The following PHACTR1 variants were observed in gnomAD, a reference collection of about 807,000 sequenced individuals.
PHACTR1 encodes RPEL repeat containing 1.
A neutral mutation model predicts 69.2 loss-of-function variants in PHACTR1; 16 were observed. The observed-to-expected ratio is 0.23, with a 90% confidence interval of 0.16 to 0.35. The LOEUF is 0.35. Ranked by LOEUF, PHACTR1 falls within the 10% of genes least tolerant of loss-of-function variation. The probability of loss-of-function intolerance (pLI) is 1.00; values close to 1 mark genes in which losing one functional copy is unlikely to be tolerated. For missense variants in PHACTR1, 510 were observed against 734.7 expected, an observed-to-expected ratio of 0.69 and a Z score of 3.54; for synonymous variants, 312 against 284.5, an observed-to-expected ratio of 1.10 and a Z score of -0.97.
At chr6:12,841,293 C>G (rs1031246416) in intron 4 of PHACTR1, among the ~76,000 whole-genome samples, 3 of 152,192 alleles carry the variant, frequency 2.0e-5, no homozygotes, top group African/African-American at 7.2e-5. Context: ...AATGTGTTGT[C>G]TCTTCCTTTT....
intron 6 of PHACTR1, among the ~76,000 whole-genome samples, chr6:13,176,516 T>C (rs1239377500): frequency 6.6e-6 from 1 of 152,208 alleles, no homozygotes; most frequent in Non-Finnish European, 1.5e-5. Flanking sequence ...GTTCTTTTAT[T>C]AGGTCTGTGT....
chr6:13,226,249 A>G (rs1249873576), intron 8 of PHACTR1, among the ~76,000 whole-genome samples: 1 of 152,232 alleles, frequency 6.6e-6, no homozygotes, highest in Non-Finnish European at 1.5e-5. Flanking sequence ...TGAAAAATAC[A>G]AAGAGAAAAA....
At chr6:13,131,499 C>T (rs1820463366) in intron 5 of PHACTR1, among the ~76,000 whole-genome samples, 1 of 152,082 alleles carries the variant, frequency 6.6e-6, no homozygotes, top group African/African-American at 2.4e-5. Flanking sequence ...GTACAGCATA[C>T]ACTGCTCGGA....
At chr6:12,870,653 C>T (rs537921073) in intron 4 of PHACTR1, among the ~76,000 whole-genome samples, 29 of 152,310 alleles carry the variant, frequency 1.9e-4, no homozygotes, top group African/African-American at 6.0e-4. Flanking sequence ...CACACAACCA[C>T]GTGCATTTTT....
chr6:13,171,966 C>A (rs1277735190), intron 6 of PHACTR1, among the ~76,000 whole-genome samples: 1 of 152,146 alleles, frequency 6.6e-6, no homozygotes, highest in Non-Finnish European at 1.5e-5. Flanking sequence ...GGGTTTTCAC[C>A]GTGTTGGCCA....
At chr6:13,256,165 C>A (rs1775169711) in intron 10 of PHACTR1, among the ~76,000 whole-genome samples, 1 of 152,266 alleles carries the variant, frequency 6.6e-6, no homozygotes, top group African/African-American at 2.4e-5. Context: ...CCCTCTGAAG[C>A]AGCAGCCTGA....
chr6:12,764,577 C>T (rs547221717), intron 4 of PHACTR1, among the ~76,000 whole-genome samples: 39 of 152,118 alleles, frequency 2.6e-4, no homozygotes, highest in Non-Finnish European at 3.8e-4. Flanking sequence ...ATTTTTCTCC[C>T]CTGAGTGGGA....
chr6:13,059,460 A>T (rs1206660280), intron 5 of PHACTR1, among the ~76,000 whole-genome samples: 1 of 12,248 alleles, frequency 8.2e-5, no homozygotes, highest in Non-Finnish European at 2.1e-4. Flanking sequence ...TGTTCTTATC[A>T]CACACACACA....
rs1002431976 is a variant in PHACTR1, at chr6:12,957,934, G to A, written c.251-95431G>A. ...GTATTTTCAGAGCCCGACACTTGAG[G>A]AGACTGTTGCTCAATTTAAGAAAGC... On this transcript the variant is annotated intron_variant, in intron 4 of 14. Coordinates refer to ENST00000332995, the MANE Select transcript of PHACTR1 (RefSeq NM_030948.6). The A allele has an allele frequency of 2.1e-5, 21 of 985,258 alleles. No homozygotes were observed. In the African/African-American group the frequency reaches 3.1e-4, roughly 15 times the overall value. 61.0% of individuals were successfully genotyped at this position (985,258 alleles called of 1,614,324 possible). A position where few individuals can be genotyped will look rare whatever the true frequency, so the allele number is the denominator to read the frequency against.
At chr6:12,815,874 G>T (rs1775525565) in intron 4 of PHACTR1, among the ~76,000 whole-genome samples, 1 of 152,172 alleles carries the variant, frequency 6.6e-6, no homozygotes, top group Non-Finnish European at 1.5e-5. Flanking sequence ...CCTGGTGTGT[G>T]TCCATCTTCT....
intron 4 of PHACTR1, among the ~76,000 whole-genome samples, chr6:12,782,286 C>G (rs12528721): frequency 0.07 from 10,619 of 152,144 alleles, 462 homozygotes; most frequent in Admixed American, 0.1. Flanking sequence ...CGGAACATGA[C>G]GCCTTACATA....
rs869092852 is a variant in PHACTR1 at position 13,195,757 on chromosome 6, CA to C, written c.665-10035del. Among the ~76,000 whole-genome samples, 105 of 41,494 alleles carry C rather than the reference CA, an allele frequency of 2.5e-3. 1 individual carries two copies. Among genetic ancestry groups the C allele is most frequent in the Non-Finnish European group, 4.0e-3 (75 of 18,670 alleles). 27.2% of individuals were successfully genotyped at this position (41,494 alleles called of 152,430 possible). ...TGGGCGACAGAGAGAGACACCGTCT[CA>C]AAAAAAAAAAAAAAAAAAAAAAGTT... On this transcript the variant is annotated intron_variant, in intron 7 of 14. Transcript: ENST00000332995.
intron 4 of PHACTR1, among the ~76,000 whole-genome samples, chr6:12,781,369 G>A (rs139973901): frequency 1.3e-5 from 2 of 152,242 alleles, no homozygotes; most frequent in East Asian, 1.9e-4. Flanking sequence ...CTAAATACTC[G>A]TTCCACCCAG....
chr6:12,925,999 T>C (rs1013122266), intron 4 of PHACTR1, among the ~76,000 whole-genome samples: 5 of 152,240 alleles, frequency 3.3e-5, no homozygotes, highest in Non-Finnish European at 5.9e-5. Flanking sequence ...AAATAGTCTA[T>C]ATTCCGTCTT....
chr6:13,034,292 C>T (rs1341150219), intron 4 of PHACTR1, among the ~76,000 whole-genome samples: 1 of 152,206 alleles, frequency 6.6e-6, no homozygotes, highest in Non-Finnish European at 1.5e-5. Context: ...GCTGGGATTA[C>T]AGGCGTGAGC....
rs958384353 is a variant in PHACTR1 at position 13,268,804 on chromosome 6, G to A, written c.1392-4056G>A. On this transcript the variant is annotated intron_variant, in intron 10 of 14. Coordinates refer to ENST00000332995, the MANE Select transcript of PHACTR1 (RefSeq NM_030948.6). ...TAACTATAGCACAGGCCCTTCTGGC[G>A]GGCTCAGCTGCATGTTATAGCTATG... Among the ~76,000 whole-genome samples the A allele has an allele frequency of 4.6e-5, 7 of 152,152 alleles. No homozygotes were observed. In the South Asian group the frequency reaches 6.2e-4, roughly 13 times the overall value.
intron 4 of PHACTR1, among the ~76,000 whole-genome samples, chr6:13,019,936 C>G (rs1014794170): frequency 4.6e-5 from 7 of 152,110 alleles, no homozygotes; most frequent in Admixed American, 1.3e-4. Context: ...GGTGGTAGTC[C>G]ATTGAGCCAG....
At chr6:13,137,933 A>G (rs1037588925) in intron 5 of PHACTR1, among the ~76,000 whole-genome samples, 1 of 152,232 alleles carries the variant, frequency 6.6e-6, no homozygotes, top group African/African-American at 2.4e-5. Flanking sequence ...AGCATTAAAG[A>G]TAGAGCAGTT....
chr6:12,888,621 T>A (rs1206691619), intron 4 of PHACTR1, among the ~76,000 whole-genome samples: 2 of 152,210 alleles, frequency 1.3e-5, no homozygotes, highest in Non-Finnish European at 2.9e-5. Flanking sequence ...AAATAAAATA[T>A]GTGTTTTTTT....
Sources: gnomAD v4.1 joint callset for allele counts (sites outside exome capture counted in the v4.1 genomes callset) on GRCh38, gnomAD v4.1.1 for gene constraint, MANE v1.5 for transcripts, NCBI Gene and HGNC (gene_info 2026-07-23, HGNC 2026-07-21) for gene names.